STKLD1: variants seen among roughly 807,000 people sequenced by gnomAD.
STKLD1 encodes the protein serine/threonine kinase like domain containing 1.
A neutral mutation model predicts 80.4 loss-of-function variants in STKLD1; 79 were observed. The ratio of observed to expected loss-of-function variants is 0.98; its 90% CI spans 0.82 to 1.19. STKLD1 has a LOEUF of 1.19. Among genes scored for constraint, STKLD1 ranks in the 50% most tolerant of loss-of-function variants. The pLI is 0.00. For missense variants in STKLD1, 841 were observed against 856.0 expected (o/e 0.98, Z 0.22); for synonymous variants, 393 against 357.6 (o/e 1.10, Z -1.12).
chr9:133,378,567 G>A (rs1325286466), intron 1 of STKLD1, among the ~76,000 whole-genome samples: 2 of 152,254 alleles, frequency 1.3e-5, no homozygotes, highest in Non-Finnish European at 2.9e-5. Context: ...AGGTAGCAAT[G>A]GTGTCAACTG....
chr9:133,379,134 A>G lies in STKLD1; in HGVS notation c.174+12A>G. The G allele has an allele frequency of 1.2e-6, 2 of 1,611,794 alleles. No homozygotes were observed. Among genetic ancestry groups the G allele is most frequent in the Non-Finnish European group, 1.7e-6 (2 of 1,178,280 alleles). On this transcript the variant is annotated intron_variant, in intron 2 of 17. Transcript: ENST00000371957. ...ATGTGATAAAGCAGGTAAGAGGCCA[A>G]GCCTGTGCATCCCATGCCGGGTGGT...
chr9:133,405,610 C>A lies in STKLD1; in HGVS notation c.*189C>A. On this transcript the variant is annotated 3_prime_UTR_variant, in exon 18 of 18. Coordinates refer to ENST00000371957, the MANE Select transcript of STKLD1 (RefSeq NM_153710.5). ...TCACATGAGTAACTGCTCCTGGACCCGGGGACTGTCCACGAAAACTGACTT... is the reference window on the plus strand; with the variant it reads ...TCACATGAGTAACTGCTCCTGGACCAGGGGACTGTCCACGAAAACTGACTT... 2 of 519,240 alleles carry A rather than the reference C, an allele frequency of 3.9e-6. No homozygotes were observed. The highest frequency in any genetic ancestry group is 6.4e-6 in the Non-Finnish European group (2 of 311,842). 32.2% of individuals were successfully genotyped at this position (519,240 alleles called of 1,614,324 possible).
Position 133,383,804 on chromosome 9 carries a change from C to T in STKLD1, c.175-52C>T, listed in dbSNP as rs2130270913. On this transcript the variant is annotated intron_variant, in intron 2 of 17. Transcript: ENST00000371957. ...GTGGTGGTGGTGATGGCGGTGATAA[C>T]GGAGATGATTTGCTACATGTTTATT... 110 of 1,572,918 alleles carry T rather than the reference C, an allele frequency of 7.0e-5. No homozygotes were observed. In the East Asian group the frequency reaches 8.1e-4, roughly 12 times the overall value.
intron 14 of STKLD1, 139 bp from the exon 15 acceptor site, chr9:133,403,559 GTC>G (rs1838763435): frequency 9.2e-7 from 1 of 1,087,158 alleles, no homozygotes; most frequent in Non-Finnish European, 1.3e-6. Context: ...CCCTGCACCC[GTC>G]TCTGAGGACA....
chr9:133,404,745 TCAGGGGAAAG>T, intron 16 of STKLD1, 34 bp from the exon 17 acceptor site: 1 of 1,602,286 alleles, frequency 6.2e-7, no homozygotes, highest in Non-Finnish European at 8.5e-7. Context: ...CTCTTCCCTT[TCAGGGGAAAG>T]CAGGGAATGA....
rs901747111 is a variant in STKLD1 at position 133,397,238 on chromosome 9, T to C, written c.941T>C (p.Met314Thr). The stretch of plus-strand genomic sequence containing the variant: ...GTCTCTCTGACCCTGCACCGGCAGA[T>C]GGTGCCTGCGTCCATCACCGACATG... ...SCVSLTLHRQ[M>T]VPASITDMLL... The change falls in exon 10 of 18, where the codon ATG becomes ACG. Residue 314 changes from methionine to threonine, a missense_variant. Physicochemically the swap from Met to Thr is moderately conservative, Grantham distance 81. Transcript: ENST00000371957. The C allele has an allele frequency of 2.5e-6, 4 of 1,613,808 alleles. No individual in the cohort carries two copies. Among genetic ancestry groups the C allele is most frequent in the African/African-American group, 2.7e-5 (2 of 74,932 alleles).
rs1554778423 is a variant in STKLD1 at position 133,404,909 on chromosome 9, T to G, written c.1853T>G (p.Leu618Arg). 6.2e-7 allele frequency: 1 copy of G among 1,613,436 alleles called. No homozygotes were observed. The change falls in exon 17 of 18, where the codon CTG becomes CGG. Residue 618 changes from leucine (L) to arginine (R), a missense_variant. Coordinates refer to ENST00000371957, the MANE Select transcript of STKLD1 (RefSeq NM_153710.5). ...GTGGTGGAGAACGTGGGCATGCTGCTGGTCCACCTGGCTTCCTATGGTGAG... is the reference window on the plus strand; with the variant it reads ...GTGGTGGAGAACGTGGGCATGCTGCGGGTCCACCTGGCTTCCTATGGTGAG... ...PEVVENVGML[L>R]VHLASYEEIL... is the part of the protein sequence containing the mutation.
intron 8 of STKLD1, 49 bp from the exon 9 acceptor site, chr9:133,395,551 G>C: frequency 6.3e-7 from 1 of 1,580,256 alleles, no homozygotes; most frequent in South Asian, 1.1e-5. Context: ...CTGGGACCTA[G>C]TTTTCATTTA....
Position 133,403,010 on chromosome 9 carries a change from A to G in STKLD1, c.1472A>G (p.Asp491Gly), listed in dbSNP as rs1554777991. 4 of 1,565,324 alleles carry G rather than the reference A, an allele frequency of 2.6e-6. No homozygotes were observed. Among genetic ancestry groups the G allele is most frequent in the South Asian group, 1.2e-5 (1 of 85,000 alleles). Residue 491 changes from aspartate to glycine, a missense_variant and splice_region_variant, in exon 14 of 18, where the codon GAC becomes GGC. Coordinates refer to ENST00000371957, the MANE Select transcript of STKLD1 (RefSeq NM_153710.5). ...GLGLLWALLLDGIIVNKAPLE... is the reference protein window; with the variant it reads ...GLGLLWALLLGGIIVNKAPLE... ...GGCCTGCTCTGGGCCCTCCTGCTGG[A>G]CGGTGAGGGGCCCTCCTCCTGCTGT...
intron 7 of STKLD1, among the ~76,000 whole-genome samples, chr9:133,393,626 T>C (rs1297156901): frequency 7.1e-6 from 1 of 141,008 alleles, no homozygotes; most frequent in Admixed American, 7.0e-5. Context: ...AGTGAATGAG[T>C]GTGTAGGTGG....
rs145056186 is a variant in STKLD1 at position 133,385,190 on chromosome 9, T to C, written c.220-427T>C. Among the ~76,000 whole-genome samples the C allele has an allele frequency of 3.0e-4, 46 of 152,302 alleles. No individual in the cohort carries two copies. In the East Asian group the frequency reaches 8.1e-3, roughly 27 times the overall value. ...TAAGGCAGCCCTATCTGCTCCTGTTTGGGCATGTTTCAAAGCACTTTCCGC... is the reference window on the plus strand; with the variant it reads ...TAAGGCAGCCCTATCTGCTCCTGTTCGGGCATGTTTCAAAGCACTTTCCGC... On this transcript the variant is annotated intron_variant, in intron 3 of 17. Transcript: ENST00000371957. The surrounding 1 kb of genome is among the most constrained non-coding windows in gnomAD (Gnocchi z 4.9).
intron 7 of STKLD1, among the ~76,000 whole-genome samples, chr9:133,393,645 A>G (rs1173016959): frequency 1.1e-5 from 1 of 88,922 alleles, no homozygotes; most frequent in Non-Finnish European, 2.4e-5. Flanking sequence ...GGGTGAGTGG[A>G]TGGGTGGGTG....
intron 2 of STKLD1, among the ~76,000 whole-genome samples, chr9:133,381,366 C>T (rs1838128576): frequency 6.6e-6 from 1 of 151,090 alleles, no homozygotes; most frequent in Admixed American, 6.6e-5. Flanking sequence ...TCAGGCTGGT[C>T]TCGAACTCCC....
In STKLD1 at chr9:133,400,421, T is replaced by C. The variant is rs1554777399; in HGVS notation, c.1090T>C (p.Trp364Arg). The C allele has an allele frequency of 6.2e-6, 10 of 1,612,364 alleles. No homozygotes were observed. Among genetic ancestry groups the C allele is most frequent in the South Asian group, 1.1e-5 (1 of 91,088 alleles). The stretch of plus-strand genomic sequence containing the variant: ...GCCGCCCGCCCTGCCAGGTCTGCCG[T>C]GGCCCCCGGAGCTGGTGGAGGTGGT... ...KMPADQLGLP[W>R]PPELVEVVVT... Residue 364 changes from tryptophan (W) to arginine (R), a missense_variant, in exon 12 of 18, where the codon TGG becomes CGG. Trp to Arg is a moderately radical substitution (Grantham distance 101). Transcript: ENST00000371957.
At chr9:133,403,235 T>C (rs1554778035) in intron 14 of STKLD1, among the ~76,000 whole-genome samples, 3 of 152,314 alleles carry the variant, frequency 2.0e-5, no homozygotes, top group South Asian at 4.1e-4. Flanking sequence ...AGAGGCCGGG[T>C]TTCAGGACTT....
Position 133,403,776 on chromosome 9 carries a change from T to G in STKLD1, c.1551T>G (p.Asp517Glu), listed in dbSNP as rs888810594. 3.4e-5 allele frequency: 55 copies of G among 1,613,540 alleles called. No individual in the cohort carries two copies. The highest frequency in any genetic ancestry group is 4.5e-5 in the Non-Finnish European group (53 of 1,179,940). Residue 517 changes from aspartate to glutamate, a missense_variant, in exon 15 of 18, where the codon GAT becomes GAG. Physicochemically the swap from Asp to Glu is conservative, Grantham distance 45. Coordinates refer to ENST00000371957, the MANE Select transcript of STKLD1 (RefSeq NM_153710.5). ...ISQVLATYPADGEMAEASCGV... is the reference protein window; with the variant it reads ...ISQVLATYPAEGEMAEASCGV... ...AGGTGTTGGCCACCTACCCTGCGGA[T>G]GGGGAAATGGCAGAAGCCAGCTGCG... is the stretch of plus-strand genomic sequence containing the variant.
intron 5 of STKLD1, 113 bp downstream of exon 5, chr9:133,387,661 T>C: frequency 2.4e-6 from 2 of 831,974 alleles, no homozygotes; most frequent in South Asian, 2.7e-5. Context: ...CCAGCCTTGT[T>C]TTTTTCTTAA....
intron 2 of STKLD1, among the ~76,000 whole-genome samples, chr9:133,379,370 G>A (rs1205262569): frequency 6.6e-6 from 1 of 152,214 alleles, no homozygotes; most frequent in African/African-American, 2.4e-5. Context: ...ATCACGTGCT[G>A]TATGCCAGGC....
At chr9:133,404,101 G>GC in intron 16 of STKLD1, 53 bp downstream of exon 16, 1 of 1,503,910 alleles carries the variant, frequency 6.6e-7, no homozygotes, top group Non-Finnish European at 8.9e-7. Context: ...GCAAGAATCA[G>GC]CCCCCATCAG....
Sources: allele counts gnomAD v4.1 joint callset (sites outside exome capture counted in the v4.1 genomes callset), GRCh38; gene constraint gnomAD v4.1.1; non-coding constraint Gnocchi (gnomAD v3.1); transcripts MANE v1.5; gene names NCBI Gene and HGNC (gene_info 2026-07-23, HGNC 2026-07-21).